SERPINB6: variants seen among roughly 807,000 people sequenced by gnomAD.
SERPINB6 encodes the protein serpin family B member 6, also known as serpin B6.
In SERPINB6, 16 loss-of-function variants were observed where a neutral mutation model predicts 26.1. That is an observed-to-expected ratio of 0.61 (90% CI 0.42 to 0.93). SERPINB6 has a LOEUF of 0.93. Ranked by LOEUF, SERPINB6 falls within the 40% of genes least tolerant of loss-of-function variation. The pLI is 0.00. For synonymous variants in SERPINB6, 174 were observed against 176.6 expected (o/e 0.99, Z 0.11); for missense variants, 420 against 478.0 (o/e 0.88, Z 1.13).
chr6:2,955,004 A>G (rs920284520), intron 3 of SERPINB6: 3 of 362,298 alleles, frequency 8.3e-6, no homozygotes, highest in African/African-American at 4.2e-5. Flanking sequence ...AGCCTGGCCA[A>G]CATGGCGAAA....
chr6:2,965,447 A>G (rs995752509), intron 1 of SERPINB6, among the ~76,000 whole-genome samples: 1 of 152,200 alleles, frequency 6.6e-6, no homozygotes, highest in African/African-American at 2.4e-5. Flanking sequence ...CAAACACAGC[A>G]CATTGCTTAC....
At position 2,948,310 on chromosome 6, in the gene SERPINB6, A is replaced by G. The variant is rs1264593484; in HGVS notation, c.1119T>C (p.Phe373=). The change falls in exon 7 of 7, where the codon TTT becomes TTC. Residue 373 remains phenylalanine, a synonymous_variant. Coordinates refer to ENST00000380539, the MANE Select transcript of SERPINB6 (RefSeq NM_004568.6). The surrounding 1 kb of genome is among the most constrained non-coding windows in gnomAD (Gnocchi z 5.0). ...KTNGILFCGR[F]SSP is the part of the protein sequence containing the mutation. ...GACTGCCCTGTCCTCACGGAGAGGA[A>G]AAGCGGCCGCAGAAGAGAATCCCGT... is the stretch of plus-strand genomic sequence containing the variant. 2.5e-6 allele frequency: 4 copies of G among 1,613,644 alleles called. No homozygotes were observed. The highest frequency in any genetic ancestry group is 3.4e-6 in the Non-Finnish European group (4 of 1,179,964).
chr6:2,966,538 T>G (rs538023051), intron 1 of SERPINB6: 1 of 314,368 alleles, frequency 3.2e-6, no homozygotes, highest in Non-Finnish European at 4.6e-6. Context: ...GTTGGAGTCT[T>G]GTAGGAGAGT....
chr6:2,966,257 G>T (rs1000295814), intron 1 of SERPINB6: 8 of 567,960 alleles, frequency 1.4e-5, no homozygotes, highest in Middle Eastern at 8.8e-4. Flanking sequence ...GGCTCATCTT[G>T]TTTGCCTCAT....
chr6:2,958,949 T>C (rs1440398182), intron 2 of SERPINB6, among the ~76,000 whole-genome samples: 1 of 152,070 alleles, frequency 6.6e-6, no homozygotes, highest in Non-Finnish European at 1.5e-5. Flanking sequence ...AATCATTCAT[T>C]CCTCTGAATC....
At chr6:2,955,479 T>C (rs764142753) in intron 3 of SERPINB6, 45 bp downstream of exon 3, 2 of 1,613,662 alleles carry the variant, frequency 1.2e-6, no homozygotes, top group Non-Finnish European at 1.7e-6. Context: ...CCCCACTACC[T>C]GGCCACCTTT....
chr6:2,967,148 G>T lies in SERPINB6; in HGVS notation c.-11+4385C>A. On this transcript the variant is annotated intron_variant, in intron 1 of 6. Transcript: ENST00000380539. This position sits in a 1 kb window ranked among gnomAD's most constrained non-coding sequence, Gnocchi z 4.3. ...ACTCACCCCAAAGGTGACCAGTGCA[G>T]AGCTCCAGCCACCCAGACTCCTCGA... The T allele has an allele frequency of 1.0e-6, 1 of 985,194 alleles. No individual in the cohort carries two copies. The highest frequency in any genetic ancestry group is 1.2e-6 in the Non-Finnish European group (1 of 829,734). The allele number at this position is 985,194 out of a possible 1,614,324, so 61.0% of individuals were successfully genotyped here.
chr6:2,953,254 G>T, intron 4 of SERPINB6, 68 bp from the exon 5 acceptor site: 1 of 1,605,520 alleles, frequency 6.2e-7, no homozygotes. Flanking sequence ...TCAGGAATCG[G>T]CTGGGGCCTT....
chr6:2,954,086 C>T (rs1333599111), intron 4 of SERPINB6, among the ~76,000 whole-genome samples: 1 of 150,870 alleles, frequency 6.6e-6, no homozygotes, highest in African/African-American at 2.4e-5. Context: ...TCACTGCATT[C>T]CAGCCTAGGT....
intron 1 of SERPINB6, chr6:2,966,463 G>GAGGTGAGCAGC (rs1269576950): frequency 1.0e-6 from 1 of 964,460 alleles, no homozygotes; most frequent in African/African-American, 1.8e-5. Context: ...CACGCAGCAG[G>GAGGTGAGCAGC]AGGTGAGCAG....
intron 1 of SERPINB6, among the ~76,000 whole-genome samples, chr6:2,962,583 C>T (rs1159858637): frequency 6.6e-6 from 1 of 152,048 alleles, no homozygotes; most frequent in African/African-American, 2.4e-5. Flanking sequence ...GAAGGAAGAG[C>T]AAAAATGTAG....
chr6:2,970,930 G>A, intron 1 of SERPINB6: 2 of 1,228,640 alleles, frequency 1.6e-6, no homozygotes. Context: ...GATTGGCCAA[G>A]CCCAGCACGG....
At chr6:2,950,950 G>A (rs1184271444) in intron 5 of SERPINB6, among the ~76,000 whole-genome samples, 11 of 152,188 alleles carry the variant, frequency 7.2e-5, no homozygotes, top group Admixed American at 6.5e-5. Flanking sequence ...CCTGGGCCTC[G>A]GCTGCCCCAC....
At chr6:2,955,259 C>A in intron 3 of SERPINB6, 2 of 456,014 alleles carry the variant, frequency 4.4e-6, no homozygotes, top group East Asian at 4.1e-5. Flanking sequence ...ATCAAACGAA[C>A]TTCACCAACT....
At chr6:2,964,827 T>C (rs1420063941) in intron 1 of SERPINB6, among the ~76,000 whole-genome samples, 4 of 152,230 alleles carry the variant, frequency 2.6e-5, no homozygotes, top group African/African-American at 9.6e-5. Context: ...TATCATGTTT[T>C]ATTTTATGTA....
chr6:2,949,054 C>A lies in SERPINB6; in HGVS notation c.589G>T (p.Val197Leu), dbSNP rs774614022. The A allele has an allele frequency of 1.9e-6, 3 of 1,614,180 alleles. No individual in the cohort carries two copies. Among genetic ancestry groups the A allele is most frequent in the Non-Finnish European group, 2.5e-6 (3 of 1,180,028 alleles). ...FKVSKNEEKP[V>L]QMMFKQSTFK... Reference sequence around the variant, plus strand: ...GTAGATTGCTTAAACATCATTTGCACAGGTTTCTCCTCATTCTACAAAGAA... The same window carrying A: ...GTAGATTGCTTAAACATCATTTGCAAAGGTTTCTCCTCATTCTACAAAGAA... The change falls in exon 6 of 7, where the codon GTG becomes TTG. Residue 197 changes from valine to leucine, a missense_variant. Coordinates refer to ENST00000380539, the MANE Select transcript of SERPINB6 (RefSeq NM_004568.6).
At chr6:2,962,266 G>T in intron 1 of SERPINB6, 1 of 958,660 alleles carries the variant, frequency 1.0e-6, no homozygotes, top group Non-Finnish European at 1.2e-6. Flanking sequence ...TGTGTCAGGG[G>T]ATTTAATTTG....
At chr6:2,970,584 T>C (rs991039913) in intron 1 of SERPINB6, 1 of 1,214,626 alleles carries the variant, frequency 8.2e-7, no homozygotes, top group Middle Eastern at 3.2e-4. Context: ...GGGCTGTCAT[T>C]AGGCACGAGA....
At chr6:2,954,347 A>G (rs932246304) in intron 4 of SERPINB6, among the ~76,000 whole-genome samples, 3 of 152,188 alleles carry the variant, frequency 2.0e-5, no homozygotes, top group African/African-American at 7.2e-5. Flanking sequence ...GAAGAGGTAT[A>G]CCAAACACTG....
Sources: gnomAD v4.1 joint callset for allele counts (sites outside exome capture counted in the v4.1 genomes callset) on GRCh38, gnomAD v4.1.1 for gene constraint, Gnocchi (gnomAD v3.1) non-coding constraint, MANE v1.5 for transcripts, NCBI Gene and HGNC (gene_info 2026-07-23, HGNC 2026-07-21) for gene names.